The following ADAMTS12 variants were observed in gnomAD, a reference collection of about 807,000 sequenced individuals.
ADAMTS12 encodes ADAM metallopeptidase with thrombospondin type 1 motif 12.
Under a neutral mutation model 167.8 loss-of-function variants are expected in ADAMTS12, and 118 were observed. The observed-to-expected ratio is 0.70, with a 90% CI of 0.61 to 0.82. ADAMTS12 has a LOEUF of 0.82. ADAMTS12 is among the 40% of genes least tolerant of loss of function. ADAMTS12 has a pLI of 0.00. For missense variants in ADAMTS12, 1,916 were observed against 1,998.8 expected (o/e 0.96, Z 0.79); for synonymous variants, 704 against 716.9 (o/e 0.98, Z 0.29).
chr5:33,876,491 A>G (rs1325200151), intron 2 of ADAMTS12, among the ~76,000 whole-genome samples: 2 of 152,210 alleles, frequency 1.3e-5, no homozygotes, highest in African/African-American at 2.4e-5. Context: ...ATTTTTTACA[A>G]AAGTGCAAAA....
At chr5:33,545,611 C>A (rs983325208) in intron 22 of ADAMTS12, among the ~76,000 whole-genome samples, 3 of 152,198 alleles carry the variant, frequency 2.0e-5, no homozygotes, top group South Asian at 4.2e-4. Context: ...GGAAGCAACC[C>A]AAATGTCCAG....
chr5:33,593,048 G>A (rs140669231), intron 17 of ADAMTS12, among the ~76,000 whole-genome samples: 21 of 152,246 alleles, frequency 1.4e-4, no homozygotes, highest in African/African-American at 5.1e-4. Context: ...AGGCTAAGGC[G>A]GGTGGATCAC....
In ADAMTS12 at chr5:33,683,071, C is replaced by G. The variant is rs1187379803; in HGVS notation, c.862G>C (p.Gly288Arg). ...VTGLFHNPSI[G>R]NAIHIVVVRL... ...ACCACAACAATGTGAATTGCATTGC[C>G]AATGCTTGGGTTATGGAACAACCCA... The change falls in exon 5 of 24, where the codon GGC becomes CGC. Residue 288 changes from glycine (G) to arginine (R), a missense_variant. Coordinates refer to ENST00000504830, the MANE Select transcript of ADAMTS12 (RefSeq NM_030955.4). 1.2e-6 allele frequency: 2 copies of G among 1,612,888 alleles called. No homozygotes were observed. Among genetic ancestry groups the G allele is most frequent in the African/African-American group, 2.7e-5 (2 of 74,816 alleles).
chr5:33,786,930 G>T (rs1746348025), intron 2 of ADAMTS12, among the ~76,000 whole-genome samples: 1 of 152,130 alleles, frequency 6.6e-6, no homozygotes, highest in Admixed American at 6.5e-5. Flanking sequence ...CCATCAGAAG[G>T]GATCCCCCTC....
At chr5:33,808,231 C>T (rs1747315381) in intron 2 of ADAMTS12, among the ~76,000 whole-genome samples, 1 of 152,184 alleles carries the variant, frequency 6.6e-6, no homozygotes, top group Non-Finnish European at 1.5e-5. Flanking sequence ...GGGAGCAGGG[C>T]CTGGGAAAAG....
chr5:33,786,478 CACAT>C (rs1746329171), intron 2 of ADAMTS12, among the ~76,000 whole-genome samples: 1 of 149,680 alleles, frequency 6.7e-6, no homozygotes, highest in Non-Finnish European at 1.5e-5. Flanking sequence ...TTTTTTAACA[CACAT>C]AGACTTCCTC....
chr5:33,861,033 C>T (rs936830263), intron 2 of ADAMTS12, among the ~76,000 whole-genome samples: 2 of 152,098 alleles, frequency 1.3e-5, no homozygotes, highest in African/African-American at 4.8e-5. Context: ...CTGAAGGAAA[C>T]ACTAAATATG....
chr5:33,798,176 C>T (rs1173118699), intron 2 of ADAMTS12, among the ~76,000 whole-genome samples: 2 of 151,648 alleles, frequency 1.3e-5, no homozygotes, highest in East Asian at 3.9e-4. Flanking sequence ...TGCCTACTTA[C>T]ACTCTCATGA....
intron 6 of ADAMTS12, among the ~76,000 whole-genome samples, chr5:33,660,735 C>T (rs1156805515): frequency 6.6e-6 from 1 of 152,172 alleles, no homozygotes; most frequent in Non-Finnish European, 1.5e-5. Context: ...ATTCCACACC[C>T]ATGCTATTTC....
Position 33,648,825 on chromosome 5 carries a change from T to A in ADAMTS12, c.1476A>T (p.Val492=), listed in dbSNP as rs747159831. 2.8e-5 allele frequency: 45 copies of A among 1,614,086 alleles called. No homozygotes were observed. The East Asian group carries it at 4.2e-4, about 15-fold the overall frequency. Residue 492 remains valine (V), a synonymous_variant, in exon 9 of 24, where the codon GTA becomes GTT. Transcript: ENST00000504830. ...YGPNATFCQE[V]ENVCQTLWCS... Reference sequence around the variant, plus strand: ...AGCCACCAAGAGGTACACTTACTTCTACTTCCTGGCAGAAGGTAGCATTGG... The same window carrying A: ...AGCCACCAAGAGGTACACTTACTTCAACTTCCTGGCAGAAGGTAGCATTGG...
intron 2 of ADAMTS12, among the ~76,000 whole-genome samples, chr5:33,778,637 A>C (rs1746003508): frequency 6.6e-6 from 1 of 151,746 alleles, no homozygotes; most frequent in Non-Finnish European, 1.5e-5. Context: ...ATGAACTCAA[A>C]AGCACAAGCA....
rs565005653 is a variant in ADAMTS12, at chr5:33,524,455, A to G, written c.*2733T>C. 6.6e-6 allele frequency: 1 copy of G among 152,198 alleles called. No individual in the cohort carries two copies. Among genetic ancestry groups the G allele is most frequent in the Non-Finnish European group, 1.5e-5 (1 of 68,030 alleles). 9.4% of individuals were successfully genotyped at this position (152,198 alleles called of 1,614,324 possible). On this transcript the variant is annotated 3_prime_UTR_variant, in exon 24 of 24. Transcript: ENST00000504830. Reference sequence around the variant, plus strand: ...CCCTCTCTATTTCATAGAGATATGTATCCAGTGTCTCCTGATACACTTCTC... The same window carrying G: ...CCCTCTCTATTTCATAGAGATATGTGTCCAGTGTCTCCTGATACACTTCTC...
intron 19 of ADAMTS12, among the ~76,000 whole-genome samples, chr5:33,569,728 G>A (rs1339737321): frequency 3.3e-5 from 5 of 152,186 alleles, no homozygotes; most frequent in African/African-American, 1.2e-4. Context: ...CACCAGCAAT[G>A]GAACAAAGCT....
At chr5:33,550,007 T>C (rs1745176391) in intron 20 of ADAMTS12, among the ~76,000 whole-genome samples, 1 of 152,128 alleles carries the variant, frequency 6.6e-6, no homozygotes, top group African/African-American at 2.4e-5. Flanking sequence ...CCGTCACCAT[T>C]CCTCCTGCAG....
At chr5:33,885,751 A>G (rs1328107660) in intron 1 of ADAMTS12, among the ~76,000 whole-genome samples, 3 of 152,178 alleles carry the variant, frequency 2.0e-5, no homozygotes, top group Non-Finnish European at 4.4e-5. Flanking sequence ...CTTGACTGAG[A>G]CTGCTGGAGA....
rs545936480 is a variant in ADAMTS12 at position 33,707,905 on chromosome 5, G to C, written c.635-23850C>G. ...ACATAGGCATGGACAAAGTCTTCAT[G>C]ACTAAAACACCAAAAGCAATTGCAA... On this transcript the variant is annotated intron_variant, in intron 3 of 23. Transcript: ENST00000504830. 1.5e-4 allele frequency among the ~76,000 whole-genome samples: 23 copies of C among 152,246 alleles called. No individual in the cohort carries two copies. The East Asian group carries it at 3.1e-3, about 20-fold the overall frequency.
At chr5:33,806,240 G>A (rs762854513) in intron 2 of ADAMTS12, among the ~76,000 whole-genome samples, 2 of 152,148 alleles carry the variant, frequency 1.3e-5, no homozygotes, top group Admixed American at 1.3e-4. Flanking sequence ...AAAATACTGC[G>A]TGTTTTCAAT....
chr5:33,619,934 C>T (rs1045357573), intron 14 of ADAMTS12, among the ~76,000 whole-genome samples: 2 of 152,240 alleles, frequency 1.3e-5, no homozygotes, highest in African/African-American at 2.4e-5. Flanking sequence ...ACCTCGTGAT[C>T]TGCCCTCCTC....
At chr5:33,745,915 C>T (rs1744765564) in intron 3 of ADAMTS12, among the ~76,000 whole-genome samples, 1 of 152,072 alleles carries the variant, frequency 6.6e-6, no homozygotes, top group South Asian at 2.1e-4. Flanking sequence ...AAATTTTCAC[C>T]AACAGTCTTT....
Sources: gnomAD v4.1 joint callset for allele counts (sites outside exome capture counted in the v4.1 genomes callset) on GRCh38, gnomAD v4.1.1 for gene constraint, MANE v1.5 for transcripts, NCBI Gene and HGNC (gene_info 2026-07-23, HGNC 2026-07-21) for gene names.